PDGFC: variants seen among roughly 807,000 people sequenced by gnomAD.
PDGFC encodes the protein platelet derived growth factor C.
Under a neutral mutation model 35.5 loss-of-function variants are expected in PDGFC, and 12 were observed. The ratio of observed to expected loss-of-function variants is 0.34; its 90% CI spans 0.22 to 0.55. The LOEUF (loss-of-function observed/expected upper bound fraction) is 0.55. PDGFC is among the 20% of genes least tolerant of loss of function. The probability of loss-of-function intolerance (pLI) is 0.91; values close to 1 mark genes in which losing one functional copy is unlikely to be tolerated. For missense variants in PDGFC, 322 were observed against 412.4 expected (o/e 0.78, Z 1.90); for synonymous variants, 159 against 148.8 (o/e 1.07, Z -0.50).
At chr4:156,950,601 ACT>A (rs1491229551) in intron 1 of PDGFC, among the ~76,000 whole-genome samples, 1 of 151,670 alleles carries the variant, frequency 6.6e-6, no homozygotes, top group East Asian at 1.9e-4. Context: ...TTCTCCTGTT[ACT>A]CTGTCTTTTG....
intron 4 of PDGFC, among the ~76,000 whole-genome samples, chr4:156,769,991 T>C (rs1045726620): frequency 2.0e-5 from 3 of 152,026 alleles, no homozygotes; most frequent in African/African-American, 7.2e-5. Flanking sequence ...CATATTCACC[T>C]ATGTCAAGTA....
In PDGFC at chr4:156,910,655, C is replaced by T. The variant is rs548258835; in HGVS notation, c.118+60131G>A. ...AGACGGCTGTAGCATTTACATCCAC[C>T]AGTGACATATGGGAGATCCATTTTC... On this transcript the variant is annotated intron_variant, in intron 1 of 5. Transcript: ENST00000502773. Among the ~76,000 whole-genome samples the T allele has an allele frequency of 3.4e-4, 51 of 152,210 alleles. 1 individual carries two copies. In the South Asian group the frequency reaches 9.3e-3, roughly 28 times the overall value.
chr4:156,814,211 G>A (rs1194770972), intron 2 of PDGFC, among the ~76,000 whole-genome samples: 1 of 152,194 alleles, frequency 6.6e-6, no homozygotes, highest in Non-Finnish European at 1.5e-5. Flanking sequence ...AAGAGGCAGA[G>A]CCGCTGGAGG....
intron 3 of PDGFC, among the ~76,000 whole-genome samples, chr4:156,796,142 A>G (rs1334895127): frequency 6.6e-6 from 1 of 152,168 alleles, no homozygotes; most frequent in Non-Finnish European, 1.5e-5. Flanking sequence ...AAGATTATAA[A>G]ATCACCTACT....
chr4:156,804,221 A>G (rs1005190047), intron 3 of PDGFC, among the ~76,000 whole-genome samples: 6 of 152,052 alleles, frequency 3.9e-5, no homozygotes, highest in Non-Finnish European at 7.4e-5. Context: ...TAAATAAACA[A>G]ATAAATAAAT....
At chr4:156,770,822 G>A (rs1730674946) in intron 4 of PDGFC, among the ~76,000 whole-genome samples, 1 of 152,110 alleles carries the variant, frequency 6.6e-6, no homozygotes, top group African/African-American at 2.4e-5. Flanking sequence ...TCAGTCCAAA[G>A]ATAGTCTATT....
chr4:156,887,556 A>G (rs1730403797), intron 1 of PDGFC, among the ~76,000 whole-genome samples: 1 of 152,192 alleles, frequency 6.6e-6, no homozygotes, highest in Non-Finnish European at 1.5e-5. Flanking sequence ...TTAGCAAAGA[A>G]AATGTAGGAG....
At chr4:156,865,186 GCACACACACACACA>G (rs34323245) in intron 1 of PDGFC, among the ~76,000 whole-genome samples, 1 of 146,676 alleles carries the variant, frequency 6.8e-6, no homozygotes, top group Non-Finnish European at 1.5e-5. Flanking sequence ...AGATACATGT[GCACACACACACACA>G]CACACACACA....
chr4:156,906,211 A>C (rs1481844471), intron 1 of PDGFC, among the ~76,000 whole-genome samples: 4 of 152,158 alleles, frequency 2.6e-5, no homozygotes, highest in African/African-American at 9.7e-5. Flanking sequence ...AATACAAATC[A>C]CTTAAAAATA....
At chr4:156,867,162 T>C (rs970088878) in intron 1 of PDGFC, among the ~76,000 whole-genome samples, 1 of 152,236 alleles carries the variant, frequency 6.6e-6, no homozygotes, top group Admixed American at 6.5e-5. Flanking sequence ...TTAGCATGAA[T>C]ATTAAGCTGA....
chr4:156,897,124 T>C (rs559617766), intron 1 of PDGFC, among the ~76,000 whole-genome samples: 2 of 152,256 alleles, frequency 1.3e-5, no homozygotes, highest in South Asian at 2.1e-4. Context: ...AGAAAACTTA[T>C]TTGGGGATGA....
intron 3 of PDGFC, among the ~76,000 whole-genome samples, chr4:156,785,934 C>T (rs74408800): frequency 1.3e-5 from 2 of 152,232 alleles, no homozygotes; most frequent in African/African-American, 4.8e-5. Flanking sequence ...CTTTACCCTG[C>T]CCCTCTATTC....
chr4:156,799,532 A>G (rs1731539929), intron 3 of PDGFC, among the ~76,000 whole-genome samples: 1 of 152,208 alleles, frequency 6.6e-6, no homozygotes, highest in Non-Finnish European at 1.5e-5. Flanking sequence ...TGCATACCAG[A>G]GTGACACATT....
intron 1 of PDGFC, among the ~76,000 whole-genome samples, chr4:156,866,612 A>G (rs1353179959): frequency 1.3e-5 from 2 of 152,104 alleles, no homozygotes; most frequent in Admixed American, 1.3e-4. Flanking sequence ...CATTATTGTA[A>G]CTATTGCCCC....
At chr4:156,802,801 T>C (rs1731652239) in intron 3 of PDGFC, among the ~76,000 whole-genome samples, 1 of 152,130 alleles carries the variant, frequency 6.6e-6, no homozygotes, top group Admixed American at 6.6e-5. Context: ...AGGCACAGAA[T>C]GTCCAATCAA....
chr4:156,825,578 T>TAAGAAG (rs1304163404), intron 2 of PDGFC, among the ~76,000 whole-genome samples: 230 of 94,932 alleles, frequency 2.4e-3, no homozygotes, highest in South Asian at 4.5e-3. Flanking sequence ...ATAATAATAA[T>TAAGAAG]AATAATAATA....
chr4:156,813,108 A>T (rs1254836153), intron 2 of PDGFC, among the ~76,000 whole-genome samples: 2 of 152,000 alleles, frequency 1.3e-5, no homozygotes, highest in Non-Finnish European at 2.9e-5. Flanking sequence ...GGTATAGCAG[A>T]CCTAAGTAGA....
At chr4:156,892,985 A>G (rs1177035050) in intron 1 of PDGFC, among the ~76,000 whole-genome samples, 2 of 152,162 alleles carry the variant, frequency 1.3e-5, no homozygotes, top group African/African-American at 4.8e-5. Context: ...GGTCCTCACT[A>G]TCCACCCCTA....
At chr4:156,946,829 A>G (rs1485521992) in intron 1 of PDGFC, among the ~76,000 whole-genome samples, 1 of 152,012 alleles carries the variant, frequency 6.6e-6, no homozygotes, top group East Asian at 1.9e-4. Context: ...TCATGTTTTC[A>G]TATGTGTTAA....
Sources: gnomAD v4.1 joint callset for allele counts (sites outside exome capture counted in the v4.1 genomes callset) on GRCh38, gnomAD v4.1.1 for gene constraint, MANE v1.5 for transcripts, NCBI Gene and HGNC (gene_info 2026-07-23, HGNC 2026-07-21) for gene names.